NXPH1: variants seen among roughly 807,000 people sequenced by gnomAD.
The protein encoded by NXPH1 is neurexophilin-1.
In NXPH1, 5 loss-of-function variants were observed where a neutral mutation model predicts 23.7. The ratio of observed to expected loss-of-function variants is 0.21; its 90% CI spans 0.11 to 0.44. The LOEUF is 0.44. Ranked by LOEUF, NXPH1 falls within the 20% of genes least tolerant of loss-of-function variation. The pLI is 0.99. For missense variants in NXPH1, 324 were observed against 321.6 expected (o/e 1.01, Z -0.06); for synonymous variants, 144 against 122.2 (o/e 1.18, Z -1.18).
intron 2 of NXPH1, among the ~76,000 whole-genome samples, chr7:8,497,647 G>A (rs1817360587): frequency 6.6e-6 from 1 of 152,116 alleles, no homozygotes; most frequent in African/African-American, 2.4e-5. Flanking sequence ...TCTTTTGGCT[G>A]CATAAATGTC....
At chr7:8,626,935 C>A (rs570542435) in intron 2 of NXPH1, among the ~76,000 whole-genome samples, 2 of 152,176 alleles carry the variant, frequency 1.3e-5, no homozygotes, top group South Asian at 4.2e-4. Flanking sequence ...TTCCTGACAT[C>A]CTCATTCCTT....
chr7:8,721,168 G>A (rs1421672983), intron 2 of NXPH1, among the ~76,000 whole-genome samples: 1 of 152,072 alleles, frequency 6.6e-6, no homozygotes, highest in Non-Finnish European at 1.5e-5. Flanking sequence ...TCTACTCCAG[G>A]ACCTGCTTAA....
chr7:8,587,124 C>T (rs1445934753), intron 2 of NXPH1, among the ~76,000 whole-genome samples: 6 of 152,062 alleles, frequency 3.9e-5, no homozygotes, highest in Non-Finnish European at 7.4e-5. Flanking sequence ...AATGACATTT[C>T]ATTTCCTAGT....
chr7:8,510,879 A>T (rs947787329), intron 2 of NXPH1, among the ~76,000 whole-genome samples: 10 of 152,058 alleles, frequency 6.6e-5, no homozygotes, highest in African/African-American at 2.2e-4. Context: ...GCTCCAATTC[A>T]TTTTAAGTTT....
At chr7:8,711,021 T>G (rs1779786692) in intron 2 of NXPH1, among the ~76,000 whole-genome samples, 1 of 152,234 alleles carries the variant, frequency 6.6e-6, no homozygotes, top group South Asian at 2.1e-4. Context: ...TTTTATTTCC[T>G]ACATCTTTCT....
At chr7:8,695,965 C>G (rs1388013242) in intron 2 of NXPH1, among the ~76,000 whole-genome samples, 1 of 152,054 alleles carries the variant, frequency 6.6e-6, no homozygotes, top group Non-Finnish European at 1.5e-5. Context: ...AAAATAACAC[C>G]ATGTGTCCAG....
chr7:8,593,908 T>C (rs1360384714), intron 2 of NXPH1, among the ~76,000 whole-genome samples: 1 of 152,132 alleles, frequency 6.6e-6, no homozygotes, highest in Non-Finnish European at 1.5e-5. Context: ...ATACGTTACA[T>C]ACAAAAATAC....
At chr7:8,517,827 G>C (rs1817710293) in intron 2 of NXPH1, among the ~76,000 whole-genome samples, 1 of 152,148 alleles carries the variant, frequency 6.6e-6, no homozygotes, top group Admixed American at 6.5e-5. Context: ...CACTGGGAGA[G>C]AGCTAGGGAG....
intron 2 of NXPH1, among the ~76,000 whole-genome samples, chr7:8,576,352 T>C (rs923072655): frequency 2.6e-5 from 4 of 152,182 alleles, no homozygotes; most frequent in Non-Finnish European, 4.4e-5. Context: ...CAATGCTATC[T>C]GACTTGTTCC....
chr7:8,670,199 T>G (rs187981159), intron 2 of NXPH1, among the ~76,000 whole-genome samples: 2 of 152,302 alleles, frequency 1.3e-5, no homozygotes, highest in East Asian at 3.9e-4. Context: ...TTGTTCTGAC[T>G]TTTTATTCCT....
intron 2 of NXPH1, among the ~76,000 whole-genome samples, chr7:8,659,973 G>C (rs1820646828): frequency 6.6e-6 from 1 of 152,144 alleles, no homozygotes; most frequent in South Asian, 2.1e-4. Flanking sequence ...GACGTGCTGG[G>C]ATGGTATTGG....
At chr7:8,500,380 A>C (rs1310845646) in intron 2 of NXPH1, among the ~76,000 whole-genome samples, 1 of 152,086 alleles carries the variant, frequency 6.6e-6, no homozygotes, top group African/African-American at 2.4e-5. Context: ...AGGATGATGA[A>C]TAGCACAGAC....
chr7:8,679,204 C>T (rs966320288), intron 2 of NXPH1, among the ~76,000 whole-genome samples: 15 of 152,010 alleles, frequency 9.9e-5, no homozygotes, highest in South Asian at 4.1e-4. Context: ...ACCTCGGCCT[C>T]CCAAAGTGCT....
At chr7:8,453,312 T>C (rs986102030) in intron 2 of NXPH1, among the ~76,000 whole-genome samples, 4 of 152,130 alleles carry the variant, frequency 2.6e-5, no homozygotes, top group Non-Finnish European at 4.4e-5. Context: ...AAAATCATTC[T>C]AAATATTTTA....
intron 2 of NXPH1, among the ~76,000 whole-genome samples, chr7:8,677,745 A>G (rs1378577952): frequency 1.3e-5 from 2 of 152,208 alleles, no homozygotes; most frequent in Non-Finnish European, 2.9e-5. Flanking sequence ...AAAACTAAAG[A>G]TTAATTTAGC....
chr7:8,670,314 T>C (rs1820849074), intron 2 of NXPH1, among the ~76,000 whole-genome samples: 1 of 152,252 alleles, frequency 6.6e-6, no homozygotes, highest in Non-Finnish European at 1.5e-5. Flanking sequence ...ACATTTTTAG[T>C]GTTGAAATCT....
intron 2 of NXPH1, among the ~76,000 whole-genome samples, chr7:8,528,683 A>G (rs1397718145): frequency 6.6e-6 from 1 of 152,218 alleles, no homozygotes; most frequent in African/African-American, 2.4e-5. Context: ...GTTGAAGAGT[A>G]GAAAGAGACC....
At chr7:8,653,297 G>C (rs989437064) in intron 2 of NXPH1, among the ~76,000 whole-genome samples, 2 of 152,036 alleles carry the variant, frequency 1.3e-5, no homozygotes, top group Non-Finnish European at 2.9e-5. Context: ...TTTCATCTAA[G>C]CCTCATAGAC....
At chr7:8,649,183 C>A (rs1296119364) in intron 2 of NXPH1, among the ~76,000 whole-genome samples, 2 of 152,016 alleles carry the variant, frequency 1.3e-5, no homozygotes, top group East Asian at 1.9e-4. Flanking sequence ...GTCTACATAC[C>A]ATTTTCTTTT....
Sources: allele counts gnomAD v4.1 joint callset (sites outside exome capture counted in the v4.1 genomes callset), GRCh38; gene constraint gnomAD v4.1.1; transcripts MANE v1.5; gene names NCBI Gene and HGNC (gene_info 2026-07-23, HGNC 2026-07-21).